The following CAB39L variants were observed in gnomAD, a reference collection of about 807,000 sequenced individuals.
The protein encoded by CAB39L is calcium binding protein 39 like.
CAB39L carries 23 observed loss-of-function variants against 39.1 expected under a neutral mutation model. The observed-to-expected ratio is 0.59, with a 90% CI of 0.42 to 0.83. CAB39L has a LOEUF of 0.83. Ranked by LOEUF, CAB39L falls within the 40% of genes least tolerant of loss-of-function variation. CAB39L has a pLI of 0.00. For synonymous variants in CAB39L, 126 were observed against 137.2 expected (o/e 0.92, Z 0.57); for missense variants, 366 against 391.9 (o/e 0.93, Z 0.56).
chr13:49,375,742 A>T (rs1478036896), intron 5 of CAB39L, among the ~76,000 whole-genome samples: 1 of 152,062 alleles, frequency 6.6e-6, no homozygotes. Context: ...ACATGTATAC[A>T]TATGTAACAA....
At chr13:49,329,693 A>G (rs969470786) in intron 10 of CAB39L, among the ~76,000 whole-genome samples, 1 of 151,132 alleles carries the variant, frequency 6.6e-6, no homozygotes, top group African/African-American at 2.4e-5. Context: ...CCTCCCATTT[A>G]TGGACTTACA....
chr13:49,346,445 A>T (rs1023694850), intron 7 of CAB39L, among the ~76,000 whole-genome samples: 2 of 152,062 alleles, frequency 1.3e-5, no homozygotes, highest in African/African-American at 4.8e-5. Context: ...TTTAGAATTT[A>T]AAAACCTTAA....
chr13:49,323,488 G>A (rs1199332222), intron 10 of CAB39L, among the ~76,000 whole-genome samples: 6 of 152,130 alleles, frequency 3.9e-5, no homozygotes, highest in African/African-American at 9.7e-5. Context: ...CAGCTCCATC[G>A]GAAGGTCTGG....
At chr13:49,348,250 C>A (rs1336739861) in intron 7 of CAB39L, among the ~76,000 whole-genome samples, 2 of 152,150 alleles carry the variant, frequency 1.3e-5, no homozygotes, top group African/African-American at 4.8e-5. Context: ...GAAACCCGCA[C>A]ACCCTCCTGC....
chr13:49,330,673 AT>A (rs1226973944), intron 10 of CAB39L, among the ~76,000 whole-genome samples: 8 of 149,788 alleles, frequency 5.3e-5, no homozygotes, highest in Admixed American at 4.0e-4. Flanking sequence ...AAAAATATTT[AT>A]TTTTTTATTT....
At chr13:49,373,629 C>T (rs914631574) in intron 5 of CAB39L, among the ~76,000 whole-genome samples, 3 of 152,178 alleles carry the variant, frequency 2.0e-5, no homozygotes, top group African/African-American at 7.2e-5. Flanking sequence ...CTGGTATGTC[C>T]CAATACCTTC....
At chr13:49,397,967 T>G (rs1956678268) in intron 3 of CAB39L, among the ~76,000 whole-genome samples, 1 of 152,044 alleles carries the variant, frequency 6.6e-6, no homozygotes, top group South Asian at 2.1e-4. Flanking sequence ...GTTATTGATA[T>G]TAAGACATGG....
rs74073710 is a variant in CAB39L, at chr13:49,409,835, G to A, written c.-32+23483C>T. Among the ~76,000 whole-genome samples the A allele has an allele frequency of 6.9e-3, 1,040 of 151,800 alleles. 12 individuals carry two copies. The highest frequency in any genetic ancestry group is 0.023 in the African/African-American group (944 of 41,388). On this transcript the variant is annotated intron_variant, in intron 3 of 10. Transcript: ENST00000409308. ...CATGCCTGTAATCCTAAGCAGTCTG[G>A]CAGGAAGTAGGAGGATCCCTTGAGT... is the stretch of plus-strand genomic sequence containing the variant.
chr13:49,380,917 C>T (rs139143849), intron 4 of CAB39L, among the ~76,000 whole-genome samples: 43 of 152,052 alleles, frequency 2.8e-4, no homozygotes, highest in African/African-American at 9.2e-4. Context: ...TCTTGGGTGA[C>T]GCTACTTTTA....
Position 49,386,921 on chromosome 13 carries a change from T to C in CAB39L, c.-31-3980A>G, listed in dbSNP as rs118087444. ...ACTTGAGGCTGCCTTTCTCACACTC[T>C]GGGCGACCATGCTGGTCACTATATA... On this transcript the variant is annotated intron_variant, in intron 3 of 10. Transcript: ENST00000409308. Among the ~76,000 whole-genome samples the C allele has an allele frequency of 7.1e-3, 1,083 of 152,218 alleles. 5 individuals are homozygous for C. The highest frequency in any genetic ancestry group is 0.012 in the Non-Finnish European group (794 of 68,008).
At chr13:49,442,668 T>C (rs1381846804) in intron 1 of CAB39L, among the ~76,000 whole-genome samples, 1 of 151,830 alleles carries the variant, frequency 6.6e-6, no homozygotes, top group Admixed American at 6.6e-5. Flanking sequence ...GGCCGGTGTC[T>C]GTAGTCCCAG....
At chr13:49,405,524 C>G (rs73186902) in intron 3 of CAB39L, among the ~76,000 whole-genome samples, 54,188 of 151,456 alleles carry the variant, frequency 0.36, 10,462 homozygotes, top group Middle Eastern at 0.51. Flanking sequence ...TCTGTAATCC[C>G]AGCACTTTGG....
intron 8 of CAB39L, among the ~76,000 whole-genome samples, chr13:49,342,567 G>A (rs1276761189): frequency 1.3e-5 from 2 of 152,168 alleles, no homozygotes; most frequent in African/African-American, 4.8e-5. Flanking sequence ...TTAGGTGTCA[G>A]GCACTAGACT....
At chr13:49,400,874 C>G (rs1261445259) in intron 3 of CAB39L, among the ~76,000 whole-genome samples, 3 of 151,764 alleles carry the variant, frequency 2.0e-5, no homozygotes, top group Non-Finnish European at 4.4e-5. Flanking sequence ...AAATAAAAAC[C>G]CATTTCCAAA....
At chr13:49,410,475 G>A (rs1474390074) in intron 3 of CAB39L, among the ~76,000 whole-genome samples, 1 of 151,246 alleles carries the variant, frequency 6.6e-6, no homozygotes, top group African/African-American at 2.4e-5. Flanking sequence ...TTATGTTGGA[G>A]AATCATATTA....
intron 3 of CAB39L, among the ~76,000 whole-genome samples, chr13:49,432,434 CCATAAA>C (rs1957342606): frequency 6.6e-6 from 1 of 152,180 alleles, no homozygotes; most frequent in South Asian, 2.1e-4. Context: ...CTGCAACTGG[CCATAAA>C]CATATTTATT....
intron 9 of CAB39L, 149 bp downstream of exon 9, chr13:49,339,528 C>A (rs1593941987): frequency 1.1e-6 from 1 of 901,700 alleles, no homozygotes; most frequent in Admixed American, 4.6e-5. Context: ...AAAATACAGT[C>A]ATAACATAAA....
chr13:49,371,190 T>TTTC (rs1955907447), intron 5 of CAB39L, among the ~76,000 whole-genome samples: 1 of 45,764 alleles, frequency 2.2e-5, no homozygotes, highest in Non-Finnish European at 5.6e-5. Context: ...TTTTTCTTTC[T>TTTC]TTTTTTTTTT....
chr13:49,400,988 A>G (rs996146141), intron 3 of CAB39L: 2 of 152,182 alleles, frequency 1.3e-5, no homozygotes, highest in Middle Eastern at 3.2e-3. Flanking sequence ...TAGTAACAGC[A>G]ATTCATTATG....
Sources: gnomAD v4.1 joint callset for allele counts (sites outside exome capture counted in the v4.1 genomes callset) on GRCh38, gnomAD v4.1.1 for gene constraint, MANE v1.5 for transcripts, NCBI Gene and HGNC (gene_info 2026-07-23, HGNC 2026-07-21) for gene names.